Variants in MYO3B observed in about 807,000 individuals in gnomAD.
MYO3B encodes myosin-IIIb.
Under a neutral mutation model 174.6 loss-of-function variants are expected in MYO3B, and 156 were observed. That is an observed-to-expected ratio of 0.89 (90% CI 0.78 to 1.02). The LOEUF is 1.02. Among genes scored for constraint, MYO3B ranks in the 50% least tolerant of loss-of-function variants. The pLI, the probability that MYO3B is intolerant of heterozygous loss-of-function variation, is 0.00. For missense variants in MYO3B, 1,632 were observed against 1,639.4 expected, an observed-to-expected ratio of 1.00 and a Z score of 0.08; for synonymous variants, 563 against 569.1, an observed-to-expected ratio of 0.99 and a Z score of 0.15.
chr2:170,470,104 A>G (rs1365612146), intron 25 of MYO3B, among the ~76,000 whole-genome samples: 1 of 82,236 alleles, frequency 1.2e-5, no homozygotes, highest in African/African-American at 5.1e-5. Flanking sequence ...CTCCGTCTCA[A>G]AAAAAAAAAA....
intron 32 of MYO3B, among the ~76,000 whole-genome samples, chr2:170,560,262 A>C (rs1355748586): frequency 2.0e-5 from 3 of 152,146 alleles, no homozygotes; most frequent in African/African-American, 7.2e-5. Context: ...TCTTTACTGC[A>C]TTTGAGTGGG....
Position 170,178,270 on chromosome 2 carries a change from T to A in MYO3B, c.-18T>A. ...GAATCCAATCTCTCATAAGCCGGAT[T>A]CAGAAAATAGGTCATCGATGTGAGT... On this transcript the variant is annotated 5_prime_UTR_variant, in exon 1 of 35. Coordinates refer to ENST00000408978, the MANE Select transcript of MYO3B (RefSeq NM_138995.5). 1.2e-6 allele frequency: 2 copies of A among 1,614,182 alleles called. No individual in the cohort carries two copies. Among genetic ancestry groups the A allele is most frequent in the South Asian group, 2.2e-5 (2 of 91,084 alleles).
At chr2:170,228,486 A>C (rs2092977075) in intron 6 of MYO3B, among the ~76,000 whole-genome samples, 1 of 152,158 alleles carries the variant, frequency 6.6e-6, no homozygotes, top group Admixed American at 6.5e-5. Flanking sequence ...ACACATACGA[A>C]ATTTGGACAT....
intron 25 of MYO3B, among the ~76,000 whole-genome samples, chr2:170,487,339 G>C (rs1308830187): frequency 6.6e-6 from 1 of 152,128 alleles, no homozygotes; most frequent in African/African-American, 2.4e-5. Flanking sequence ...TCATATTTCT[G>C]TTTATGTTTG....
intron 32 of MYO3B, among the ~76,000 whole-genome samples, chr2:170,649,325 T>TATAATATATATAAA (rs1559202336): frequency 2.2e-5 from 2 of 91,824 alleles, no homozygotes; most frequent in African/African-American, 5.0e-5. Flanking sequence ...TATAAAATAA[T>TATAATATATATAAA]ATAATATATA....
chr2:170,344,301 A>G (rs2105573180), intron 8 of MYO3B: 1 of 152,376 alleles, frequency 6.6e-6, no homozygotes, highest in South Asian at 2.1e-4. Context: ...CCCCGTCTCT[A>G]CTAAGAATAC....
At chr2:170,390,964 T>C (rs1344270851) in intron 14 of MYO3B, among the ~76,000 whole-genome samples, 2 of 152,092 alleles carry the variant, frequency 1.3e-5, no homozygotes, top group South Asian at 2.1e-4. Flanking sequence ...AGCACCTATC[T>C]GAAAGGACCC....
intron 7 of MYO3B, among the ~76,000 whole-genome samples, chr2:170,299,275 G>GT (rs530910443): frequency 2.6e-5 from 4 of 152,136 alleles, no homozygotes; most frequent in Non-Finnish European, 5.9e-5. Flanking sequence ...AGACAGAGTG[G>GT]TAAATAAATG....
rs3047156 is a variant in MYO3B, at chr2:170,636,957, C to CGTGTGTGTGT, written c.3734-14648_3734-14639dup. On this transcript the variant is annotated intron_variant, in intron 32 of 34. Coordinates refer to ENST00000408978, the MANE Select transcript of MYO3B (RefSeq NM_138995.5). ...CATGGACAAAGCATTTGCTTTTGTG[C>CGTGTGTGTGT]GTGTGTGTGTGTGTGTGTGTGTGTG... Among the ~76,000 whole-genome samples the CGTGTGTGTGT allele has an allele frequency of 8.9e-3, 1,298 of 146,646 alleles. 24 individuals carry two copies. Among genetic ancestry groups the CGTGTGTGTGT allele is most frequent in the African/African-American group, 0.027 (1,052 of 39,684 alleles).
chr2:170,212,615 C>T (rs1478259520), intron 3 of MYO3B, among the ~76,000 whole-genome samples: 1 of 139,870 alleles, frequency 7.1e-6, no homozygotes, highest in African/African-American at 2.7e-5. Flanking sequence ...GGGTGAGGAG[C>T]GGAATTTATT....
At chr2:170,414,853 T>A (rs879486154) in intron 22 of MYO3B, among the ~76,000 whole-genome samples, 1 of 152,244 alleles carries the variant, frequency 6.6e-6, no homozygotes, top group Non-Finnish European at 1.5e-5. Flanking sequence ...ATGGGTTTTT[T>A]ATTTTGATTT....
At chr2:170,356,065 A>G (rs1424353670) in intron 8 of MYO3B, among the ~76,000 whole-genome samples, 1 of 151,394 alleles carries the variant, frequency 6.6e-6, no homozygotes, top group African/African-American at 2.4e-5. Context: ...GGTTCACGCC[A>G]TTCTCCTGCC....
chr2:170,635,539 A>T (rs1340639171), intron 32 of MYO3B, among the ~76,000 whole-genome samples: 1 of 152,118 alleles, frequency 6.6e-6, no homozygotes, highest in Non-Finnish European at 1.5e-5. Flanking sequence ...GGTGCAGCAA[A>T]CCAACACAAC....
chr2:170,371,300 C>T (rs2094243208), intron 9 of MYO3B, among the ~76,000 whole-genome samples: 1 of 149,762 alleles, frequency 6.7e-6, no homozygotes, highest in Non-Finnish European at 1.5e-5. Flanking sequence ...CATCCCCTTT[C>T]TCTAATTTCT....
chr2:170,620,857 ATCTC>A (rs1695852118), intron 32 of MYO3B, among the ~76,000 whole-genome samples: 1 of 152,110 alleles, frequency 6.6e-6, no homozygotes, highest in South Asian at 2.1e-4. Context: ...GAAAGACATG[ATCTC>A]TAGCCTCTCA....
rs77408248 is a variant in MYO3B, at chr2:170,522,203, G to A, written c.3575+2663G>A. Among the ~76,000 whole-genome samples the A allele has an allele frequency of 6.8e-3, 1,036 of 152,110 alleles. 13 individuals carry two copies. The highest frequency in any genetic ancestry group is 0.023 in the African/African-American group (957 of 41,484). On this transcript the variant is annotated intron_variant, in intron 30 of 34. Coordinates refer to ENST00000408978, the MANE Select transcript of MYO3B (RefSeq NM_138995.5). Reference sequence around the variant, plus strand: ...TATCAAGTCTCTGCTAGGTGAGCACGAGTCGCAAGTCTCTGTTCTGAGCTC... The same window carrying A: ...TATCAAGTCTCTGCTAGGTGAGCACAAGTCGCAAGTCTCTGTTCTGAGCTC...
At chr2:170,423,654 C>T (rs942094634) in intron 22 of MYO3B, among the ~76,000 whole-genome samples, 3 of 148,046 alleles carry the variant, frequency 2.0e-5, no homozygotes, top group Admixed American at 6.8e-5. Flanking sequence ...GATCTCAGCT[C>T]ACTGCAACCT....
intron 12 of MYO3B, 66 bp downstream of exon 12, chr2:170,383,880 C>A: frequency 7.8e-7 from 1 of 1,287,934 alleles, no homozygotes; most frequent in East Asian, 2.3e-5. Flanking sequence ...TCCTCGTCAA[C>A]TCCTAAGTCT....
chr2:170,626,402 C>A (rs189668800), intron 32 of MYO3B, among the ~76,000 whole-genome samples: 12 of 152,180 alleles, frequency 7.9e-5, no homozygotes, highest in African/African-American at 2.4e-4. Context: ...TCCATTTGCT[C>A]GGTAGATCTG....
Sources: gnomAD v4.1 joint callset for allele counts (sites outside exome capture counted in the v4.1 genomes callset) on GRCh38, gnomAD v4.1.1 for gene constraint, MANE v1.5 for transcripts, NCBI Gene and HGNC (gene_info 2026-07-23, HGNC 2026-07-21) for gene names.